The following POU1F1 variants were observed in gnomAD, a reference collection of about 807,000 sequenced individuals.
POU1F1 encodes the protein pituitary-specific positive transcription factor 1.
A neutral mutation model predicts 32.3 loss-of-function variants in POU1F1; 23 were observed. That is an observed-to-expected ratio of 0.71 (90% CI 0.51 to 1.01). The LOEUF (loss-of-function observed/expected upper bound fraction) is 1.01. Among genes scored for constraint, POU1F1 ranks in the 50% least tolerant of loss-of-function variants. The probability of loss-of-function intolerance (pLI) is 0.00; values close to 1 mark genes in which losing one functional copy is unlikely to be tolerated. For missense variants in POU1F1, 323 were observed against 341.6 expected, an observed-to-expected ratio of 0.95 and a Z score of 0.43; for synonymous variants, 120 against 115.6, an observed-to-expected ratio of 1.04 and a Z score of -0.25.
At chr3:87,267,135 A>G (rs981032179) in intron 2 of POU1F1, among the ~76,000 whole-genome samples, 2 of 152,084 alleles carry the variant, frequency 1.3e-5, no homozygotes, top group Admixed American at 6.6e-5. Flanking sequence ...TTTGTTATCA[A>G]TTATTATTAT....
intron 2 of POU1F1, among the ~76,000 whole-genome samples, chr3:87,272,639 C>T (rs982674161): frequency 1.3e-5 from 2 of 152,102 alleles, no homozygotes; most frequent in African/African-American, 4.8e-5. Flanking sequence ...AAGCAGGTAG[C>T]CATAATTGAT....
chr3:87,261,531 C>CA (rs1386997769), intron 4 of POU1F1, among the ~76,000 whole-genome samples, 198 bp from the exon 5 acceptor site: 60 of 152,262 alleles, frequency 3.9e-4, no homozygotes, highest in African/African-American at 1.4e-3. Context: ...ATTAACCTTG[C>CA]AAAGACACTT....
At position 87,259,736 on chromosome 3, in the gene POU1F1, T is replaced by G; in HGVS notation, c.*158A>C. 2 of 647,980 alleles carry G rather than the reference T, an allele frequency of 3.1e-6. No individual in the cohort carries two copies. The highest frequency in any genetic ancestry group is 5.2e-6 in the Non-Finnish European group (2 of 381,272). 40.1% of individuals were successfully genotyped at this position (647,980 alleles called of 1,614,324 possible). A position where few individuals can be genotyped will look rare whatever the true frequency, so the allele number is the denominator to read the frequency against. On this transcript the variant is annotated 3_prime_UTR_variant, in exon 6 of 6. Transcript: ENST00000350375. Reference sequence around the variant, plus strand: ...GTAAATAACATCAATATAATTTAAATTGTTGGTTTCTTTTTTTTAAAAAAA... The same window carrying G: ...GTAAATAACATCAATATAATTTAAAGTGTTGGTTTCTTTTTTTTAAAAAAA...
At chr3:87,260,305 G>C (rs1182269594) in intron 5 of POU1F1, among the ~76,000 whole-genome samples, 1 of 152,146 alleles carries the variant, frequency 6.6e-6, no homozygotes, top group Non-Finnish European at 1.5e-5. Flanking sequence ...ATGTAAGGTA[G>C]AGTTACACGA....
intron 1 of POU1F1, among the ~76,000 whole-genome samples, chr3:87,274,592 G>T (rs1706793168): frequency 6.6e-6 from 1 of 151,166 alleles, no homozygotes; most frequent in Non-Finnish European, 1.5e-5. Context: ...TAGCTCAAAA[G>T]AACTAAAGTC....
chr3:87,264,663 A>G (rs1435158021), intron 2 of POU1F1, 151 bp from the exon 3 acceptor site: 1 of 675,134 alleles, frequency 1.5e-6, no homozygotes. Flanking sequence ...CTTCCGAAGA[A>G]GGAGTCAAAG....
intron 2 of POU1F1, among the ~76,000 whole-genome samples, chr3:87,266,742 T>A (rs1211853072): frequency 6.6e-6 from 1 of 152,012 alleles, no homozygotes; most frequent in Non-Finnish European, 1.5e-5. Flanking sequence ...TATTTTTAGC[T>A]TTTTATTAAT....
At chr3:87,272,352 G>A (rs1167763867) in intron 2 of POU1F1, among the ~76,000 whole-genome samples, 1 of 151,992 alleles carries the variant, frequency 6.6e-6, no homozygotes, top group East Asian at 1.9e-4. Flanking sequence ...TGTGTACAAT[G>A]TGCAGGTTAG....
chr3:87,266,167 T>C (rs1276428567), intron 2 of POU1F1, among the ~76,000 whole-genome samples: 1 of 148,688 alleles, frequency 6.7e-6, no homozygotes, highest in East Asian at 1.9e-4. Flanking sequence ...CTCAGCAAAT[T>C]GTTGGTTTAT....
chr3:87,275,258 A>T (rs1176404270), intron 1 of POU1F1, among the ~76,000 whole-genome samples: 1 of 151,968 alleles, frequency 6.6e-6, no homozygotes, highest in African/African-American at 2.4e-5. Context: ...ATATTGAAAA[A>T]TCTCTACATT....
intron 3 of POU1F1, among the ~76,000 whole-genome samples, chr3:87,262,699 A>T (rs1706535444): frequency 6.6e-6 from 1 of 152,114 alleles, no homozygotes; most frequent in Non-Finnish European, 1.5e-5. Flanking sequence ...GTTGAAGGGT[A>T]CTAAATAAAA....
chr3:87,268,894 T>TG (rs1371677049), intron 2 of POU1F1, among the ~76,000 whole-genome samples: 1 of 152,120 alleles, frequency 6.6e-6, no homozygotes, highest in African/African-American at 2.4e-5. Context: ...AAGCAGGCAA[T>TG]GGGGGTCAGA....
chr3:87,261,347 A>AAGAG lies in POU1F1; in HGVS notation c.605-18_605-15dup, dbSNP rs747045488. 7.0e-6 allele frequency: 11 copies of AAGAG among 1,570,590 alleles called. No individual in the cohort carries two copies. The East Asian group carries it at 2.5e-4, about 35-fold the overall frequency. ...CATTGTACAAAGCTATAATGTGGAA[A>AAGAG]AGAGAGATAATTACAAACACAAAGT... On this transcript the variant is annotated splice_polypyrimidine_tract_variant and intron_variant, in intron 4 of 5. Transcript: ENST00000350375.
chr3:87,274,978 T>A (rs1481568193), intron 1 of POU1F1, among the ~76,000 whole-genome samples: 1 of 151,954 alleles, frequency 6.6e-6, no homozygotes, highest in Non-Finnish European at 1.5e-5. Flanking sequence ...GATTATTACC[T>A]CGATTCTGAA....
chr3:87,267,252 C>T (rs1422483660), intron 2 of POU1F1, among the ~76,000 whole-genome samples: 1 of 151,988 alleles, frequency 6.6e-6, no homozygotes, highest in Non-Finnish European at 1.5e-5. Flanking sequence ...TATCCTTATA[C>T]AAAAAATGAG....
At chr3:87,274,832 T>C (rs940438210) in intron 1 of POU1F1, among the ~76,000 whole-genome samples, 22 of 151,848 alleles carry the variant, frequency 1.4e-4, no homozygotes, top group African/African-American at 5.3e-4. Flanking sequence ...AATTCTTTTT[T>C]AATTTTAAGG....
At chr3:87,263,903 G>C (rs1425279471) in intron 3 of POU1F1, among the ~76,000 whole-genome samples, 1 of 151,770 alleles carries the variant, frequency 6.6e-6, no homozygotes, top group Non-Finnish European at 1.5e-5. Flanking sequence ...TCATTGGAAA[G>C]ATACACAAGG....
chr3:87,261,481 A>G lies in POU1F1; in HGVS notation c.605-148T>C, dbSNP rs547129320. ...TCTTAAATTTTTGCAGTCTTTTTCT[A>G]TTACAGACCTTAGAGAAAAATCTCA... On this transcript the variant is annotated intron_variant, in intron 4 of 5. Transcript: ENST00000350375. The G allele has an allele frequency of 6.2e-5, 39 of 628,164 alleles. 1 individual carries two copies. The highest frequency in any genetic ancestry group is 5.0e-4 in the South Asian group (26 of 51,688). 38.9% of individuals were successfully genotyped at this position (628,164 alleles called of 1,614,324 possible). A position where few individuals can be genotyped will look rare whatever the true frequency, so the allele number is the denominator to read the frequency against.
intron 2 of POU1F1, among the ~76,000 whole-genome samples, chr3:87,266,467 G>A (rs1466480833): frequency 1.3e-5 from 2 of 150,384 alleles, no homozygotes; most frequent in African/African-American, 2.4e-5. Context: ...ACAAATGAGA[G>A]ATTAAACAAA....
Sources: allele counts gnomAD v4.1 joint callset (sites outside exome capture counted in the v4.1 genomes callset), GRCh38; gene constraint gnomAD v4.1.1; transcripts MANE v1.5; gene names NCBI Gene and HGNC (gene_info 2026-07-23, HGNC 2026-07-21).